The following PTPRD variants were observed in gnomAD, a reference collection of about 807,000 sequenced individuals.
The protein encoded by PTPRD is protein tyrosine phosphatase receptor type D.
Under a neutral mutation model 214.5 loss-of-function variants are expected in PTPRD, and 34 were observed. The observed-to-expected ratio is 0.16, with a 90% CI of 0.12 to 0.21. The LOEUF is 0.21. PTPRD is among the 10% of genes least tolerant of loss of function. The pLI is 1.00. For missense variants in PTPRD, 2,545 were observed against 2,398.7 expected, an observed-to-expected ratio of 1.06 and a Z score of -1.27; for synonymous variants, 1,128 against 845.7, an observed-to-expected ratio of 1.33 and a Z score of -5.79.
At chr9:10,266,961 C>T (rs545995826) in intron 3 of PTPRD, among the ~76,000 whole-genome samples, 6 of 151,818 alleles carry the variant, frequency 4.0e-5, no homozygotes, top group African/African-American at 1.2e-4. Flanking sequence ...GAGGCCGAGG[C>T]GGGCGAATCA....
At chr9:9,784,833 T>G (rs1272055883) in intron 5 of PTPRD, among the ~76,000 whole-genome samples, 2 of 146,814 alleles carry the variant, frequency 1.4e-5, no homozygotes, top group Non-Finnish European at 3.0e-5. Context: ...GATATATGTA[T>G]GATGTCTTAA....
At chr9:9,784,708 T>C (rs145113343) in intron 5 of PTPRD, among the ~76,000 whole-genome samples, 1 of 152,026 alleles carries the variant, frequency 6.6e-6, no homozygotes, top group East Asian at 1.9e-4. Context: ...AAATCTGAAG[T>C]GAAGTCCAGT....
At chr9:8,932,419 C>T (rs1456625050) in intron 11 of PTPRD, among the ~76,000 whole-genome samples, 1 of 152,158 alleles carries the variant, frequency 6.6e-6, no homozygotes, top group Non-Finnish European at 1.5e-5. Context: ...ATTATTTACC[C>T]AGTAGTCATT....
chr9:8,399,373 T>A (rs2091960673), intron 36 of PTPRD, among the ~76,000 whole-genome samples: 1 of 152,176 alleles, frequency 6.6e-6, no homozygotes, highest in Non-Finnish European at 1.5e-5. Flanking sequence ...AAGTGCTCTA[T>A]GTTTTCAAGT....
intron 9 of PTPRD, among the ~76,000 whole-genome samples, chr9:9,316,544 T>C (rs755226303): frequency 6.6e-6 from 1 of 152,142 alleles, no homozygotes; most frequent in Non-Finnish European, 1.5e-5. Context: ...CTTTGTGGCA[T>C]GTACACACAA....
At chr9:8,965,898 C>A (rs550608636) in intron 11 of PTPRD, among the ~76,000 whole-genome samples, 1 of 152,184 alleles carries the variant, frequency 6.6e-6, no homozygotes, top group East Asian at 1.9e-4. Context: ...CCTAAGGACT[C>A]TGACAAAAGA....
chr9:10,554,217 C>T (rs577255026), intron 2 of PTPRD, among the ~76,000 whole-genome samples: 1 of 152,246 alleles, frequency 6.6e-6, no homozygotes, highest in Non-Finnish European at 1.5e-5. Context: ...TATGTTTCCT[C>T]ACTTAAATTG....
chr9:9,318,190 A>AAAAC (rs1206235359), intron 9 of PTPRD, among the ~76,000 whole-genome samples: 1 of 151,358 alleles, frequency 6.6e-6, no homozygotes, highest in African/African-American at 2.4e-5. Flanking sequence ...AACAAAAAAC[A>AAAAC]AAACAAACAA....
At chr9:10,311,880 T>C (rs568131078) in intron 3 of PTPRD, among the ~76,000 whole-genome samples, 2 of 152,154 alleles carry the variant, frequency 1.3e-5, no homozygotes, top group Admixed American at 6.6e-5. Flanking sequence ...TGAGATCGAA[T>C]TGTCAGGACT....
At position 8,725,349 on chromosome 9, in the gene PTPRD, G is replaced by A. The variant is rs949018552; in HGVS notation, c.64+8431C>T. ...GCTTTTTAGGGGCAGGGATCATATTGCTTTTAATCCACATTTTATCCTCAG... is the reference window on the plus strand; with the variant it reads ...GCTTTTTAGGGGCAGGGATCATATTACTTTTAATCCACATTTTATCCTCAG... On this transcript the variant is annotated intron_variant, in intron 12 of 45. Coordinates refer to ENST00000381196, the MANE Select transcript of PTPRD (RefSeq NM_002839.4). Among the ~76,000 whole-genome samples, 6 of 152,192 alleles carry A rather than the reference G, an allele frequency of 3.9e-5. No homozygotes were observed. In the East Asian group the frequency reaches 7.7e-4, roughly 20 times the overall value.
intron 39 of PTPRD, among the ~76,000 whole-genome samples, chr9:8,351,642 A>G (rs1455018374): frequency 6.7e-6 from 1 of 150,132 alleles, no homozygotes; most frequent in Non-Finnish European, 1.5e-5. Flanking sequence ...TGTGTAGCCC[A>G]GACTTAGTCC....
chr9:10,357,752 AC>A (rs535475519), intron 2 of PTPRD, among the ~76,000 whole-genome samples: 174 of 152,326 alleles, frequency 1.1e-3, no homozygotes, highest in African/African-American at 4.0e-3. Context: ...TTTAAAAACA[AC>A]GACTATGCAT....
In PTPRD at chr9:9,297,171, A is replaced by C. The variant is rs959406576; in HGVS notation, c.-203+100278T>G. ...CCAGAAATTTCCCCTTTATCTCCAG[A>C]GCCTCTTGGTCTTGTATCAAAGATT... On this transcript the variant is annotated intron_variant, in intron 9 of 45. Transcript: ENST00000381196. Among the ~76,000 whole-genome samples, 4 of 151,674 alleles carry C rather than the reference A, an allele frequency of 2.6e-5. No individual in the cohort carries two copies. The Admixed American group carries it at 2.6e-4, about 10-fold the overall frequency.
chr9:9,512,319 G>A (rs534578745), intron 8 of PTPRD, among the ~76,000 whole-genome samples: 2 of 151,782 alleles, frequency 1.3e-5, no homozygotes, highest in East Asian at 1.9e-4. Flanking sequence ...ATTTTTCTGG[G>A]TATATGAGTA....
chr9:8,366,077 TAG>T (rs2079799787), intron 39 of PTPRD, among the ~76,000 whole-genome samples: 1 of 152,184 alleles, frequency 6.6e-6, no homozygotes, highest in African/African-American at 2.4e-5. Flanking sequence ...AATACGGTTA[TAG>T]TATTTTAAAA....
chr9:8,606,237 A>T (rs1369712375), intron 14 of PTPRD, among the ~76,000 whole-genome samples: 1 of 152,184 alleles, frequency 6.6e-6, no homozygotes, highest in African/African-American at 2.4e-5. Flanking sequence ...ACATGCATTC[A>T]CAAACACACA....
At position 9,671,973 on chromosome 9, in the gene PTPRD, A is replaced by G. The variant is rs978046253; in HGVS notation, c.-287+62560T>C. Among the ~76,000 whole-genome samples the G allele has an allele frequency of 2.0e-5, 3 of 152,324 alleles. No individual in the cohort carries two copies. The East Asian group carries it at 5.8e-4, about 29-fold the overall frequency. On this transcript the variant is annotated intron_variant, in intron 7 of 45. Coordinates refer to ENST00000381196, the MANE Select transcript of PTPRD (RefSeq NM_002839.4). The stretch of plus-strand genomic sequence containing the variant: ...GGGGTTGTTATGAGATGTGATGAGA[A>G]GAATAAAAATTGCTACTGTACATTA...
intron 7 of PTPRD, among the ~76,000 whole-genome samples, chr9:9,627,025 G>A (rs10977886): frequency 3.3e-4 from 50 of 152,208 alleles, no homozygotes; most frequent in African/African-American, 1.1e-3. Context: ...TTAAATTCTC[G>A]TTTGCAGGCT....
intron 3 of PTPRD, among the ~76,000 whole-genome samples, chr9:10,149,430 T>A (rs1045462974): frequency 3.3e-5 from 5 of 152,144 alleles, no homozygotes; most frequent in African/African-American, 9.7e-5. Context: ...AGTTTCCACC[T>A]TTTTTTAGAC....
Sources: allele counts gnomAD v4.1 joint callset (sites outside exome capture counted in the v4.1 genomes callset), GRCh38; gene constraint gnomAD v4.1.1; transcripts MANE v1.5; gene names NCBI Gene and HGNC (gene_info 2026-07-23, HGNC 2026-07-21).